CSGALNACT1: variants seen among roughly 807,000 people sequenced by gnomAD.
CSGALNACT1 encodes the protein chondroitin sulfate N-acetylgalactosaminyltransferase 1, also known as beta4GalNAcT-1.
A neutral mutation model predicts 51.0 loss-of-function variants in CSGALNACT1; 52 were observed. The observed-to-expected ratio is 1.02, with a 90% confidence interval of 0.82 to 1.29. The LOEUF is 1.29. Among genes scored for constraint, CSGALNACT1 ranks in the 50% most tolerant of loss-of-function variants. The probability of loss-of-function intolerance (pLI) is 0.00; values close to 1 mark genes in which losing one functional copy is unlikely to be tolerated. For missense variants in CSGALNACT1, 935 were observed against 679.2 expected (o/e 1.38, Z -4.19); for synonymous variants, 341 against 254.4 (o/e 1.34, Z -3.24).
intron 6 of CSGALNACT1, among the ~76,000 whole-genome samples, chr8:19,430,554 C>G (rs1585816035): frequency 6.6e-6 from 1 of 152,236 alleles, no homozygotes; most frequent in Non-Finnish European, 1.5e-5. Flanking sequence ...CTCTGCTTTC[C>G]ATCCATTGAT....
rs111898935 is a variant in CSGALNACT1 at position 19,541,273 on chromosome 8, C to T, written c.-296-35143G>A. ...TTTTTTTTTTTTTTTTTTTTTGAGA[C>T]GGAGTCTTGCTTAGTCACCTAGGCT... is the stretch of plus-strand genomic sequence containing the variant. On this transcript the variant is annotated intron_variant, in intron 3 of 9. Transcript: ENST00000454498. Among the ~76,000 whole-genome samples, 188 of 121,820 alleles carry T rather than the reference C, an allele frequency of 1.5e-3. 2 individuals carry two copies. The East Asian group carries it at 0.022, about 14-fold the overall frequency. The allele number at this position is 121,820 out of a possible 152,430, so 79.9% of individuals were successfully genotyped here.
chr8:19,428,382 G>A (rs1276597122), intron 6 of CSGALNACT1, among the ~76,000 whole-genome samples: 1 of 152,154 alleles, frequency 6.6e-6, no homozygotes, highest in Non-Finnish European at 1.5e-5. Context: ...CGTGGCGGCA[G>A]GTGAGGGAGA....
chr8:19,722,294 T>G (rs1460454830), intron 1 of CSGALNACT1, among the ~76,000 whole-genome samples: 1 of 152,190 alleles, frequency 6.6e-6, no homozygotes, highest in Non-Finnish European at 1.5e-5. Context: ...TCCATCAGTA[T>G]TTTTTATTTA....
chr8:19,632,101 C>A (rs1248664143), intron 1 of CSGALNACT1, among the ~76,000 whole-genome samples: 1 of 152,224 alleles, frequency 6.6e-6, no homozygotes, highest in Non-Finnish European at 1.5e-5. Flanking sequence ...TGCTCATTAA[C>A]TCTACAAAGG....
intron 2 of CSGALNACT1, among the ~76,000 whole-genome samples, chr8:19,592,762 C>T (rs1010618864): frequency 6.6e-6 from 1 of 152,030 alleles, no homozygotes; most frequent in African/African-American, 2.4e-5. Context: ...AAAGACAGAC[C>T]CTGTCTCTAA....
intron 3 of CSGALNACT1, among the ~76,000 whole-genome samples, chr8:19,515,315 C>G (rs1346144542): frequency 1.3e-5 from 2 of 152,212 alleles, no homozygotes. Flanking sequence ...AAGACTTAGG[C>G]TCAGCCTTCA....
intron 6 of CSGALNACT1, among the ~76,000 whole-genome samples, chr8:19,423,334 A>C (rs1461417468): frequency 6.6e-6 from 1 of 152,260 alleles, no homozygotes; most frequent in East Asian, 1.9e-4. Context: ...GAAACTGAGG[A>C]AACAGCATGA....
chr8:19,536,254 G>T (rs2083711726), intron 3 of CSGALNACT1, among the ~76,000 whole-genome samples: 1 of 152,066 alleles, frequency 6.6e-6, no homozygotes, highest in Admixed American at 6.6e-5. Flanking sequence ...GTTAACAGGG[G>T]AGGCTACACA....
intron 1 of CSGALNACT1, among the ~76,000 whole-genome samples, chr8:19,647,270 G>T (rs1483131296): frequency 6.6e-6 from 1 of 152,036 alleles, no homozygotes; most frequent in Non-Finnish European, 1.5e-5. Flanking sequence ...GGCTACACGA[G>T]GCTACACACA....
intron 1 of CSGALNACT1, among the ~76,000 whole-genome samples, chr8:19,637,217 A>G (rs2056191438): frequency 6.6e-6 from 1 of 152,144 alleles, no homozygotes; most frequent in African/African-American, 2.4e-5. Context: ...AAATAAATAA[A>G]TAAAAATAAA....
At chr8:19,700,144 T>A in intron 1 of CSGALNACT1, among the ~76,000 whole-genome samples, 2 of 147,414 alleles carry the variant, frequency 1.4e-5, no homozygotes. Context: ...AAAACTTAGG[T>A]AAGTATTATT....
intron 1 of CSGALNACT1, among the ~76,000 whole-genome samples, chr8:19,639,970 C>G (rs1379358222): frequency 1.3e-5 from 2 of 151,050 alleles, no homozygotes; most frequent in African/African-American, 4.9e-5. Flanking sequence ...CAGCCCAGAC[C>G]TCCCTGGGCT....
intron 1 of CSGALNACT1, among the ~76,000 whole-genome samples, chr8:19,618,083 C>T (rs544515629): frequency 2.0e-5 from 3 of 151,874 alleles, no homozygotes; most frequent in East Asian, 1.9e-4. Flanking sequence ...TTCACTACAT[C>T]GCCCAGGCTG....
At chr8:19,527,222 A>G (rs1018364135) in intron 3 of CSGALNACT1, among the ~76,000 whole-genome samples, 5 of 152,218 alleles carry the variant, frequency 3.3e-5, no homozygotes, top group African/African-American at 9.6e-5. Flanking sequence ...GGAATATTCA[A>G]CCTAACCTCA....
intron 6 of CSGALNACT1, among the ~76,000 whole-genome samples, chr8:19,436,799 T>C (rs969893033): frequency 1.3e-5 from 2 of 152,154 alleles, no homozygotes; most frequent in Non-Finnish European, 2.9e-5. Flanking sequence ...TAGTCCCAGC[T>C]ACTAAGGAGG....
At chr8:19,504,849 A>C (rs1000334320) in intron 4 of CSGALNACT1, among the ~76,000 whole-genome samples, 1 of 152,206 alleles carries the variant, frequency 6.6e-6, no homozygotes, top group African/African-American at 2.4e-5. Flanking sequence ...TATTCTGTTC[A>C]TGAGCTTGCT....
At chr8:19,565,274 C>G (rs2041667175) in intron 3 of CSGALNACT1, among the ~76,000 whole-genome samples, 1 of 152,182 alleles carries the variant, frequency 6.6e-6, no homozygotes, top group Admixed American at 6.5e-5. Context: ...AAATTTTAAT[C>G]TGACTCCCAG....
chr8:19,463,802 G>C (rs2153830626), intron 4 of CSGALNACT1, among the ~76,000 whole-genome samples: 1 of 152,288 alleles, frequency 6.6e-6, no homozygotes, highest in Admixed American at 6.5e-5. Flanking sequence ...CCTTGTGCAA[G>C]TATCCCAATG....
intron 1 of CSGALNACT1, among the ~76,000 whole-genome samples, chr8:19,701,578 C>T (rs1051158213): frequency 2.0e-5 from 3 of 152,138 alleles, no homozygotes; most frequent in Admixed American, 6.5e-5. Context: ...CACTCTTAGC[C>T]AAATGCAATT....
Sources: allele counts gnomAD v4.1 joint callset (sites outside exome capture counted in the v4.1 genomes callset), GRCh38; gene constraint gnomAD v4.1.1; transcripts MANE v1.5; gene names NCBI Gene and HGNC (gene_info 2026-07-23, HGNC 2026-07-21).